Variants in GNAQ observed in about 807,000 individuals in gnomAD.
GNAQ encodes guanine nucleotide-binding protein G(q) subunit alpha.
Under a neutral mutation model 43.9 loss-of-function variants are expected in GNAQ, and 8 were observed. The observed-to-expected ratio is 0.18, with a 90% CI of 0.11 to 0.33. GNAQ has a LOEUF of 0.33. Ranked by LOEUF, GNAQ falls within the 10% of genes least tolerant of loss-of-function variation. GNAQ has a pLI of 1.00. For synonymous variants in GNAQ, 155 were observed against 170.7 expected (o/e 0.91, Z 0.71); for missense variants, 158 against 450.8 (o/e 0.35, Z 5.88).
At chr9:77,746,207 G>C (rs1194000878) in intron 5 of GNAQ, among the ~76,000 whole-genome samples, 3 of 152,122 alleles carry the variant, frequency 2.0e-5, no homozygotes, top group Admixed American at 6.5e-5. Context: ...TTATTCCAAG[G>C]GTTCCTTGGA....
intron 1 of GNAQ, among the ~76,000 whole-genome samples, chr9:77,967,748 G>A (rs1382643121): frequency 1.3e-5 from 2 of 152,196 alleles, no homozygotes; most frequent in African/African-American, 2.4e-5. Context: ...GGGAGGCTGA[G>A]GCGGATGGAT....
chr9:77,756,752 A>G (rs1564101130), intron 5 of GNAQ, among the ~76,000 whole-genome samples: 1 of 152,224 alleles, frequency 6.6e-6, no homozygotes, highest in Non-Finnish European at 1.5e-5. Flanking sequence ...TCTTTAAGCA[A>G]ACATTTTACT....
intron 1 of GNAQ, among the ~76,000 whole-genome samples, chr9:78,013,188 C>G (rs966957998): frequency 6.6e-6 from 1 of 152,088 alleles, no homozygotes; most frequent in South Asian, 2.1e-4. Flanking sequence ...GACACAAATA[C>G]CCATATTATA....
chr9:77,920,769 T>G (rs1828984846), intron 2 of GNAQ, among the ~76,000 whole-genome samples: 1 of 152,214 alleles, frequency 6.6e-6, no homozygotes, highest in African/African-American at 2.4e-5. Context: ...AAGATTCCTG[T>G]TGCCACCGGA....
At chr9:77,789,907 G>A (rs903504902) in intron 5 of GNAQ, among the ~76,000 whole-genome samples, 12 of 151,970 alleles carry the variant, frequency 7.9e-5, no homozygotes, top group Non-Finnish European at 5.9e-5. Flanking sequence ...TCCTTCTAGC[G>A]TAAGGGAAGC....
intron 1 of GNAQ, among the ~76,000 whole-genome samples, chr9:77,995,018 G>C (rs1265195425): frequency 6.6e-6 from 1 of 152,162 alleles, no homozygotes; most frequent in Non-Finnish European, 1.5e-5. Flanking sequence ...AGTGAATCAA[G>C]TCACTGATAT....
At chr9:77,850,597 A>C (rs895183930) in intron 2 of GNAQ, among the ~76,000 whole-genome samples, 1 of 152,186 alleles carries the variant, frequency 6.6e-6, no homozygotes, top group Non-Finnish European at 1.5e-5. Context: ...TACAGGACAA[A>C]GCATTTCTGA....
At chr9:77,875,274 T>C (rs1828109157) in intron 2 of GNAQ, among the ~76,000 whole-genome samples, 1 of 152,210 alleles carries the variant, frequency 6.6e-6, no homozygotes, top group South Asian at 2.1e-4. Context: ...ACAAACTAAA[T>C]GAACCTCTTT....
chr9:77,732,431 T>TC, intron 5 of GNAQ, among the ~76,000 whole-genome samples: 1 of 150,778 alleles, frequency 6.6e-6, no homozygotes, highest in South Asian at 2.1e-4. Context: ...AGTTGCGTGA[T>TC]CTCAGCTCAC....
intron 2 of GNAQ, among the ~76,000 whole-genome samples, chr9:77,853,890 C>A (rs569096584): frequency 6.6e-6 from 1 of 150,448 alleles, no homozygotes; most frequent in Admixed American, 6.6e-5. Flanking sequence ...ATTACATAAA[C>A]CACCTAAATG....
intron 5 of GNAQ, among the ~76,000 whole-genome samples, chr9:77,769,772 C>T (rs917558427): frequency 2.7e-5 from 4 of 149,702 alleles, no homozygotes; most frequent in African/African-American, 9.9e-5. Flanking sequence ...TCATGCCATT[C>T]TCCTGCCTCA....
At chr9:77,806,067 A>C (rs573511802) in intron 3 of GNAQ, among the ~76,000 whole-genome samples, 6 of 152,194 alleles carry the variant, frequency 3.9e-5, no homozygotes, top group Non-Finnish European at 8.8e-5. Flanking sequence ...ACAGCAATAG[A>C]TTCTCAGGTG....
At chr9:77,761,262 C>T (rs542936242) in intron 5 of GNAQ, among the ~76,000 whole-genome samples, 418 of 137,272 alleles carry the variant, frequency 3.0e-3, no homozygotes, top group African/African-American at 0.01. Context: ...CCACCCTGTC[C>T]GGGAGGGAGG....
At chr9:77,985,229 C>A (rs1823420508) in intron 1 of GNAQ, among the ~76,000 whole-genome samples, 1 of 152,302 alleles carries the variant, frequency 6.6e-6, no homozygotes, top group East Asian at 1.9e-4. Flanking sequence ...AGAAGAATGG[C>A]ATGAACCCAG....
At chr9:77,930,668 T>G (rs1829136654) in intron 1 of GNAQ, among the ~76,000 whole-genome samples, 1 of 152,202 alleles carries the variant, frequency 6.6e-6, no homozygotes, top group Non-Finnish European at 1.5e-5. Flanking sequence ...ATTTTTTTAC[T>G]AAAAAACTTT....
At chr9:77,994,998 G>A (rs188032415) in intron 1 of GNAQ, among the ~76,000 whole-genome samples, 3 of 152,294 alleles carry the variant, frequency 2.0e-5, no homozygotes, top group Admixed American at 2.0e-4. Context: ...TACAAAGTGA[G>A]AAATAATCTA....
chr9:77,935,394 T>G (rs1468599678), intron 1 of GNAQ, among the ~76,000 whole-genome samples: 2 of 152,140 alleles, frequency 1.3e-5, no homozygotes, highest in African/African-American at 4.8e-5. Context: ...AACTACGTCA[T>G]AAAGAGATGC....
At chr9:77,966,807 C>G (rs941237043) in intron 1 of GNAQ, among the ~76,000 whole-genome samples, 1 of 152,086 alleles carries the variant, frequency 6.6e-6, no homozygotes, top group Admixed American at 6.6e-5. Context: ...GACTGTGGAC[C>G]TCTCCATTCT....
intron 2 of GNAQ, among the ~76,000 whole-genome samples, chr9:77,896,547 C>T (rs573576250): frequency 5.4e-4 from 82 of 152,298 alleles, no homozygotes; most frequent in Middle Eastern, 3.4e-3. Flanking sequence ...AACTGTCATG[C>T]CTAACAAAAG....
Sources: allele counts gnomAD v4.1 joint callset (sites outside exome capture counted in the v4.1 genomes callset), GRCh38; gene constraint gnomAD v4.1.1; transcripts MANE v1.5; gene names NCBI Gene and HGNC (gene_info 2026-07-23, HGNC 2026-07-21).